Variants in SHPRH observed in about 807,000 individuals in gnomAD.
SHPRH encodes the protein E3 ubiquitin-protein ligase SHPRH.
Under a neutral mutation model 202.5 loss-of-function variants are expected in SHPRH, and 106 were observed. That is an observed-to-expected ratio of 0.52 (90% CI 0.45 to 0.62). The LOEUF (loss-of-function observed/expected upper bound fraction) is 0.62, where lower values mean the gene tolerates loss of function less well. Among genes scored for constraint, SHPRH ranks in the 20% least tolerant of loss-of-function variants. The probability of loss-of-function intolerance (pLI) is 0.00; values close to 1 mark genes in which losing one functional copy is unlikely to be tolerated. For missense variants in SHPRH, 1,710 were observed against 2,020.0 expected (o/e 0.85, Z 2.94); for synonymous variants, 729 against 686.0 (o/e 1.06, Z -0.98).
Position 145,940,758 on chromosome 6 carries a change from C to G in SHPRH, c.2534G>C (p.Cys845Ser). Residue 845 changes from cysteine to serine, a missense_variant, in exon 11 of 30, where the codon TGT becomes TCT. This residue lies in a region of SHPRH where 277 missense variants were observed against 363.0 expected (regional missense o/e 0.76). Coordinates refer to ENST00000275233, the MANE Select transcript of SHPRH (RefSeq NM_001042683.3). ...AQRLSGINRW[C>S]ISGTPVQRGL... ...TCTCTGTACTGGAGTGCCACTGATA[C>G]ACCATCGATTAATCCCACTCAAACG... The G allele has an allele frequency of 6.2e-7, 1 of 1,613,766 alleles. No homozygotes were observed.
intron 25 of SHPRH, chr6:145,905,528 AATG>A (rs1431405873): frequency 6.6e-6 from 1 of 152,040 alleles, no homozygotes; most frequent in Non-Finnish European, 1.5e-5. Flanking sequence ...CCTTATATAA[AATG>A]ATGTCATATT....
In SHPRH at chr6:145,886,683, AG is replaced by A. The variant is rs1485979721; in HGVS notation, c.*7del. The A allele has an allele frequency of 6.2e-7, 1 of 1,612,210 alleles. No individual in the cohort carries two copies. The highest frequency in any genetic ancestry group is 8.5e-7 in the Non-Finnish European group (1 of 1,179,356). On this transcript the variant is annotated 3_prime_UTR_variant, in exon 30 of 30. Coordinates refer to ENST00000275233, the MANE Select transcript of SHPRH (RefSeq NM_001042683.3). The stretch of plus-strand genomic sequence containing the variant: ...ACACTAAAGTCCATGGAATGAATCA[AG>A]TGTAGTTCATTCAAGCTCTTCAGTT...
intron 23 of SHPRH, among the ~76,000 whole-genome samples, chr6:145,916,950 T>C (rs1281849408): frequency 6.6e-6 from 1 of 152,150 alleles, no homozygotes; most frequent in Admixed American, 6.5e-5. Flanking sequence ...CAGCTAATTT[T>C]TTGTATCTTT....
intron 25 of SHPRH, chr6:145,906,878 C>G (rs180688688): frequency 6.6e-6 from 1 of 152,328 alleles, no homozygotes; most frequent in African/African-American, 2.4e-5. Context: ...CCACCTTCAG[C>G]ACTACTGTCT....
chr6:145,950,307 A>G lies in SHPRH; in HGVS notation c.939T>C (p.Asn313=), dbSNP rs1292584927. ...VLRPYQREAV[N]WMLQQECFRS... ...TGAAACACTCTTGTTGTAGCATCCA[A>G]TTGACAGCCTCTCTTTGGTAGGGTC... Residue 313 remains asparagine, a synonymous_variant, in exon 4 of 30, where the codon AAT becomes AAC. Coordinates refer to ENST00000275233, the MANE Select transcript of SHPRH (RefSeq NM_001042683.3). The G allele has an allele frequency of 2.5e-6, 4 of 1,613,030 alleles. No homozygotes were observed. The highest frequency in any genetic ancestry group is 3.3e-5 in the Admixed American group (2 of 59,900).
chr6:145,894,135 A>C lies in SHPRH; in HGVS notation c.4695+15T>G. 5 of 1,579,232 alleles carry C rather than the reference A, an allele frequency of 3.2e-6. No individual in the cohort carries two copies. The highest frequency in any genetic ancestry group is 4.3e-6 in the Non-Finnish European group (5 of 1,167,198). On this transcript the variant is annotated intron_variant, in intron 27 of 29. Coordinates refer to ENST00000275233, the MANE Select transcript of SHPRH (RefSeq NM_001042683.3). Reference sequence around the variant, plus strand: ...CTGTATCCACTACAAAAACCGGAGTAAAATCTTAACATACCTGAAATGTCT... The same window carrying C: ...CTGTATCCACTACAAAAACCGGAGTCAAATCTTAACATACCTGAAATGTCT...
intron 25 of SHPRH, chr6:145,903,670 A>C (rs1782699797): frequency 6.6e-6 from 1 of 152,112 alleles, no homozygotes; most frequent in African/African-American, 2.4e-5. Flanking sequence ...TATTGCTGTC[A>C]CTATATCTAT....
intron 3 of SHPRH, chr6:145,951,677 T>C (rs1787992622): frequency 2.5e-6 from 1 of 392,578 alleles, no homozygotes; most frequent in Admixed American, 2.7e-5. Context: ...ACTGATATTA[T>C]AAAGCATTGC....
rs762110482 is a variant in SHPRH, at chr6:145,913,572, ATATAT to A, written c.4255-28_4255-24del. The A allele has an allele frequency of 1.1e-5, 17 of 1,585,364 alleles. No individual in the cohort carries two copies. In the South Asian group the frequency reaches 1.8e-4, roughly 17 times the overall value. ...AGACTATCCAAAAAAGAATTAAAAA[ATATAT>A]TAGTTACGTTTTTACATATAAAACC... On this transcript the variant is annotated intron_variant, in intron 23 of 29. Transcript: ENST00000275233.
chr6:145,882,855 C>A (rs992287570), downstream of SHPRH, among the ~76,000 whole-genome samples: 2 of 152,114 alleles, frequency 1.3e-5, no homozygotes, highest in South Asian at 4.1e-4. Context: ...TATGCAGAAA[C>A]GATTTCTAAG....
Position 145,919,396 on chromosome 6 carries a change from C to T in SHPRH, c.4104G>A (p.Arg1368=), listed in dbSNP as rs1784234559. 6.2e-7 allele frequency: 1 copy of T among 1,613,014 alleles called. No individual in the cohort carries two copies. Among genetic ancestry groups the T allele is most frequent in the South Asian group, 1.1e-5 (1 of 91,058 alleles). Reference sequence around the variant, plus strand: ...GAACAGGCGGATTAGGCTTTGGCTCCCTAGGATCACGCACTCTTAGTCGTT... The same window carrying T: ...GAACAGGCGGATTAGGCTTTGGCTCTCTAGGATCACGCACTCTTAGTCGTT... The part of the protein sequence containing the change: ...ATERLRVRDP[R]EPKPNPPVLH... Residue 1368 remains arginine, a synonymous_variant, in exon 22 of 30, where the codon AGG becomes AGA. Transcript: ENST00000275233.
rs1787604663 is a variant in SHPRH, at chr6:145,948,292, G to A, written c.1041C>T (p.Tyr347=). The A allele has an allele frequency of 1.2e-6, 2 of 1,601,460 alleles. No homozygotes were observed. The highest frequency in any genetic ancestry group is 1.7e-4 in the Middle Eastern group (1 of 6,026). ...EIVTSEGLKL[Y]YNPYTGCIIR... is the part of the protein sequence containing the mutation. Reference sequence around the variant, plus strand: ...CTTACCAGCCTGTATATGGATTATAGTAGAGTTTCAGACCCTCAGATGTAA... The same window carrying A: ...CTTACCAGCCTGTATATGGATTATAATAGAGTTTCAGACCCTCAGATGTAA... Residue 347 remains tyrosine, a synonymous_variant, in exon 5 of 30, where the codon TAC becomes TAT. Coordinates refer to ENST00000275233, the MANE Select transcript of SHPRH (RefSeq NM_001042683.3).
intron 2 of SHPRH, among the ~76,000 whole-genome samples, chr6:145,869,823 T>TC (rs1343094983): frequency 8.6e-5 from 13 of 150,962 alleles, no homozygotes; most frequent in African/African-American, 2.9e-4. Context: ...TCTTTTCTTT[T>TC]TTTTTTTTTT....
chr6:145,894,788 C>A, intron 26 of SHPRH, 97 bp downstream of exon 26: 1 of 1,012,776 alleles, frequency 9.9e-7, no homozygotes, highest in Non-Finnish European at 1.4e-6. Context: ...GAAAAAAAAT[C>A]TAAGAGTAAA....
At position 145,938,679 on chromosome 6, in the gene SHPRH, T is replaced by A. The variant is rs555798825; in HGVS notation, c.2569+2044A>T. 7.2e-5 allele frequency among the ~76,000 whole-genome samples: 11 copies of A among 152,332 alleles called. No homozygotes were observed. In the South Asian group the frequency reaches 2.3e-3, roughly 32 times the overall value. On this transcript the variant is annotated intron_variant, in intron 11 of 29. Coordinates refer to ENST00000275233, the MANE Select transcript of SHPRH (RefSeq NM_001042683.3). ...CCTTTGTATACTTCATCATAATTCA[T>A]CTTTAAAACACCTTATTTTATAGAT...
At chr6:145,903,059 G>A (rs2128726030) in intron 25 of SHPRH, among the ~76,000 whole-genome samples, 1 of 151,456 alleles carries the variant, frequency 6.6e-6, no homozygotes, top group Middle Eastern at 3.4e-3. Context: ...TATTTTTTTT[G>A]CAATTATATT....
In SHPRH at chr6:145,935,432, C is replaced by T. The variant is rs1052225537; in HGVS notation, c.2579G>A (p.Gly860Glu). 4 of 1,613,152 alleles carry T rather than the reference C, an allele frequency of 2.5e-6. No individual in the cohort carries two copies. The highest frequency in any genetic ancestry group is 2.5e-6 in the Non-Finnish European group (3 of 1,179,772). ...TTCAATACCAAGAAAGACCACTAAC[C>T]CAAAAAGATCTGAAAAGAAAAAATA... ...PVQRGLEDLF[G>E]LVVFLGIEPY... Residue 860 changes from glycine (G) to glutamate (E), a missense_variant, in exon 12 of 30, where the codon GGG becomes GAG. Coordinates refer to ENST00000275233, the MANE Select transcript of SHPRH (RefSeq NM_001042683.3).
intron 24 of SHPRH, 134 bp downstream of exon 24, chr6:145,913,344 A>G (rs1215899653): frequency 9.8e-6 from 7 of 710,888 alleles, no homozygotes; most frequent in South Asian, 3.7e-5. Context: ...CTCTAGTGCT[A>G]TCTTTAAGAT....
chr6:145,942,472 A>C (rs762266871), intron 9 of SHPRH, among the ~76,000 whole-genome samples: 1 of 152,194 alleles, frequency 6.6e-6, no homozygotes, highest in South Asian at 2.1e-4. Flanking sequence ...TAACAGCAAA[A>C]ATTGTTTTGC....
Sources: gnomAD v4.1 joint callset for allele counts (sites outside exome capture counted in the v4.1 genomes callset) on GRCh38, gnomAD v4.1.1 for gene constraint, gnomAD v4.1.1 regional missense constraint, MANE v1.5 for transcripts, NCBI Gene and HGNC (gene_info 2026-07-23, HGNC 2026-07-21) for gene names.